TM4SF18: variants seen among roughly 807,000 people sequenced by gnomAD.
The protein encoded by TM4SF18 is transmembrane 4 L six family member 18, also known as transmembrane 4 L6 family member 18.
A neutral mutation model predicts 23.8 loss-of-function variants in TM4SF18; 22 were observed. The observed-to-expected ratio is 0.92, with a 90% CI of 0.66 to 1.32. TM4SF18 has a LOEUF of 1.32. Ranked by LOEUF, TM4SF18 falls within the 40% of genes most tolerant of loss-of-function variation. TM4SF18 has a pLI of 0.00. For missense variants in TM4SF18, 255 were observed against 240.3 expected (o/e 1.06, Z -0.41); for synonymous variants, 87 against 87.9 (o/e 0.99, Z 0.06).
At chr3:149,328,128 C>T (rs907310948) in intron 3 of TM4SF18, among the ~76,000 whole-genome samples, 2 of 152,086 alleles carry the variant, frequency 1.3e-5, no homozygotes, top group East Asian at 1.9e-4. Flanking sequence ...ATGGAGAGTG[C>T]CTTAGTTCCT....
intron 4 of TM4SF18, among the ~76,000 whole-genome samples, chr3:149,322,802 GCT>G (rs1380788570): frequency 6.6e-6 from 1 of 151,880 alleles, no homozygotes; most frequent in Non-Finnish European, 1.5e-5. Flanking sequence ...ATTGTTAATG[GCT>G]CTTGTCTCCA....
chr3:149,322,257 T>C lies in TM4SF18; in HGVS notation c.590A>G (p.Gln197Arg), dbSNP rs765349171. 6.2e-7 allele frequency: 1 copy of C among 1,610,008 alleles called. No individual in the cohort carries two copies. The highest frequency in any genetic ancestry group is 1.7e-5 in the Admixed American group (1 of 59,414). The change falls in exon 5 of 6, where the codon CAG becomes CGG. Residue 197 changes from glutamine to arginine, a missense_variant and splice_region_variant. Coordinates refer to ENST00000296059, the MANE Select transcript of TM4SF18 (RefSeq NM_138786.4). ...ILCGSYSVIF[Q>R]PGII ...CAGGTGCCCATGAGAATCTGTTACC[T>C]GGAAGATCACTGAATAGCTTCCACA...
At position 149,321,295 on chromosome 3, in the gene TM4SF18, TAAAA is replaced by T. The variant is rs892856860; in HGVS notation, c.*179_*182del. 1 of 433,810 alleles carries T rather than the reference TAAAA, an allele frequency of 2.3e-6. No individual in the cohort carries two copies. Among genetic ancestry groups the T allele is most frequent in the African/African-American group, 2.0e-5 (1 of 49,084 alleles). 26.9% of individuals were successfully genotyped at this position (433,810 alleles called of 1,614,324 possible). ...TCTGAAGTTTCTGATGCATATTACT[TAAAA>T]AACATACTAAATGGAAGGGTGGTAT... is the stretch of plus-strand genomic sequence containing the variant. On this transcript the variant is annotated 3_prime_UTR_variant, in exon 6 of 6. Transcript: ENST00000296059.
At position 149,333,461 on chromosome 3, in the gene TM4SF18, C is replaced by CT. The variant is rs1389766849; in HGVS notation, c.-18+51dup. The CT allele has an allele frequency of 1.2e-4, 79 of 678,986 alleles. No individual in the cohort carries two copies. In the African/African-American group the frequency reaches 1.2e-3, roughly 10 times the overall value. The allele number at this position is 678,986 out of a possible 1,614,324, so 42.1% of individuals were successfully genotyped here. ...TCTATTTTTCTTCTTCCTACCTGAC[C>CT]TTTTTTTTCTCTCTCTCTCTCTTTT... On this transcript the variant is annotated intron_variant, in intron 1 of 5. Transcript: ENST00000296059.
chr3:149,321,900 A>G (rs1426668273), intron 5 of TM4SF18, among the ~76,000 whole-genome samples: 1 of 152,222 alleles, frequency 6.6e-6, no homozygotes. Flanking sequence ...TAAGGTTCTG[A>G]GCCTTTGCTT....
At chr3:149,332,876 G>GA in intron 2 of TM4SF18, among the ~76,000 whole-genome samples, 1 of 152,070 alleles carries the variant, frequency 6.6e-6, no homozygotes, top group Admixed American at 6.5e-5. Context: ...ATCTGTTCTA[G>GA]AAAACAGTAA....
In TM4SF18 at chr3:149,321,231, C is replaced by A; in HGVS notation, c.*247G>T. The A allele has an allele frequency of 2.8e-6, 1 of 359,764 alleles. No homozygotes were observed. The highest frequency in any genetic ancestry group is 1.2e-4 in the South Asian group (1 of 8,514). The allele number at this position is 359,764 out of a possible 1,614,324, so 22.3% of individuals were successfully genotyped here. ...CTTATTTACTTCCCTAGTACAGATTCTTGGAAATGGATTTGTTTGATCAAA... is the reference window on the plus strand; with the variant it reads ...CTTATTTACTTCCCTAGTACAGATTATTGGAAATGGATTTGTTTGATCAAA... On this transcript the variant is annotated 3_prime_UTR_variant, in exon 6 of 6. Transcript: ENST00000296059.
intron 3 of TM4SF18, among the ~76,000 whole-genome samples, chr3:149,328,278 A>G (rs561261623): frequency 2.0e-5 from 3 of 152,146 alleles, no homozygotes; most frequent in Admixed American, 6.6e-5. Flanking sequence ...GGCACCTTCT[A>G]TGTGTCCTCG....
chr3:149,333,293 G>A lies in TM4SF18; in HGVS notation c.90C>T (p.Phe30=), dbSNP rs1277474447. 1 of 1,613,848 alleles carries A rather than the reference G, an allele frequency of 6.2e-7. No homozygotes were observed. The highest frequency in any genetic ancestry group is 8.5e-7 in the Non-Finnish European group (1 of 1,179,920). ...WSIIVNILLY[F]PNGQTSYASS... Reference sequence around the variant, plus strand: ...ATGCATAGGAAGTTTGCCCATTCGGGAAATACAATAATATGTTCACGATTA... The same window carrying A: ...ATGCATAGGAAGTTTGCCCATTCGGAAAATACAATAATATGTTCACGATTA... The change falls in exon 2 of 6, where the codon TTC becomes TTT. Residue 30 remains phenylalanine (F), a synonymous_variant. Coordinates refer to ENST00000296059, the MANE Select transcript of TM4SF18 (RefSeq NM_138786.4).
intron 3 of TM4SF18, among the ~76,000 whole-genome samples, chr3:149,328,102 C>A (rs1312310481): frequency 6.6e-6 from 1 of 152,118 alleles, no homozygotes; most frequent in Non-Finnish European, 1.5e-5. Context: ...GGCAGAAAAC[C>A]AGACTCCATG....
chr3:149,326,392 G>A (rs1275033931), intron 3 of TM4SF18, among the ~76,000 whole-genome samples: 1 of 152,132 alleles, frequency 6.6e-6, no homozygotes, highest in African/African-American at 2.4e-5. Context: ...TGCTAAGGGT[G>A]GTGCTAAGTT....
chr3:149,323,652 C>T (rs1262257735), intron 4 of TM4SF18, among the ~76,000 whole-genome samples: 5 of 152,220 alleles, frequency 3.3e-5, no homozygotes, highest in Non-Finnish European at 7.3e-5. Flanking sequence ...TGAGGATGTA[C>T]ACCACCTCAG....
At chr3:149,330,208 G>C in intron 3 of TM4SF18, 122 bp downstream of exon 3, 1 of 454,422 alleles carries the variant, frequency 2.2e-6, no homozygotes, top group Non-Finnish European at 3.8e-6. Context: ...GTAAACTCTT[G>C]ATCTCTGTAC....
At chr3:149,328,393 T>C (rs1408126694) in intron 3 of TM4SF18, among the ~76,000 whole-genome samples, 2 of 152,240 alleles carry the variant, frequency 1.3e-5, no homozygotes, top group Non-Finnish European at 2.9e-5. Context: ...TCCAAAAACA[T>C]CCCACCTCTT....
At chr3:149,326,478 A>T (rs1201499136) in intron 3 of TM4SF18, among the ~76,000 whole-genome samples, 6 of 152,184 alleles carry the variant, frequency 3.9e-5, no homozygotes, top group African/African-American at 1.4e-4. Context: ...TTAGTAAATA[A>T]CTGCCAAGGT....
At position 149,333,308 on chromosome 3, in the gene TM4SF18, G is replaced by A; in HGVS notation, c.75C>T (p.Asn25=). ...IPLALWSIIV[N]ILLYFPNGQT... ...GCCCATTCGGGAAATACAATAATAT[G>A]TTCACGATTATACTCCAAAGTGCAA... The change falls in exon 2 of 6, where the codon AAC becomes AAT. Residue 25 remains asparagine, a synonymous_variant. Coordinates refer to ENST00000296059, the MANE Select transcript of TM4SF18 (RefSeq NM_138786.4). 1.2e-6 allele frequency: 2 copies of A among 1,613,826 alleles called. No individual in the cohort carries two copies. Among genetic ancestry groups the A allele is most frequent in the Non-Finnish European group, 8.5e-7 (1 of 1,179,928 alleles).
intron 3 of TM4SF18, among the ~76,000 whole-genome samples, chr3:149,326,528 A>G (rs945152996): frequency 6.6e-6 from 1 of 152,208 alleles, no homozygotes; most frequent in Admixed American, 6.5e-5. Flanking sequence ...TCTTAATAAC[A>G]TTTCAACTGA....
At chr3:149,326,623 T>C (rs1388245683) in intron 3 of TM4SF18, among the ~76,000 whole-genome samples, 1 of 152,254 alleles carries the variant, frequency 6.6e-6, no homozygotes, top group East Asian at 1.9e-4. Flanking sequence ...CATAATGCTA[T>C]AATTTATCTG....
At position 149,319,417 on chromosome 3, in the gene TM4SF18, T is replaced by G. The variant is rs1443401924; in HGVS notation, c.*2061A>C. The G allele has an allele frequency of 2.0e-5, 3 of 152,158 alleles. No individual in the cohort carries two copies. Among genetic ancestry groups the G allele is most frequent in the Admixed American group, 6.5e-5 (1 of 15,278 alleles). 9.4% of individuals were successfully genotyped at this position (152,158 alleles called of 1,614,324 possible). A position where few individuals can be genotyped will look rare whatever the true frequency, so the allele number is the denominator to read the frequency against. On this transcript the variant is annotated 3_prime_UTR_variant, in exon 6 of 6. Transcript: ENST00000296059. The stretch of plus-strand genomic sequence containing the variant: ...CTTCAGACCTCATATTTAAGTTCTT[T>G]GGAAAGTAGAGTGTTATTGAATGAA...
Sources: gnomAD v4.1 joint callset for allele counts (sites outside exome capture counted in the v4.1 genomes callset) on GRCh38, gnomAD v4.1.1 for gene constraint, MANE v1.5 for transcripts, NCBI Gene and HGNC (gene_info 2026-07-23, HGNC 2026-07-21) for gene names.